The following TRANK1 variants were observed in gnomAD, a reference collection of about 807,000 sequenced individuals.
The protein encoded by TRANK1 is tetratricopeptide repeat and ankyrin repeat containing 1.
A neutral mutation model predicts 266.0 loss-of-function variants in TRANK1; 198 were observed. That is an observed-to-expected ratio of 0.74 (90% CI 0.66 to 0.84). TRANK1 has a LOEUF of 0.84. TRANK1 is among the 40% of genes least tolerant of loss of function. TRANK1 has a pLI of 0.00. For missense variants in TRANK1, 3,326 were observed against 3,634.6 expected, an observed-to-expected ratio of 0.92 and a Z score of 2.18; for synonymous variants, 1,396 against 1,384.1, an observed-to-expected ratio of 1.01 and a Z score of -0.19.
At chr3:36,935,931 T>C (rs952575212) in intron 1 of TRANK1, among the ~76,000 whole-genome samples, 20 of 152,210 alleles carry the variant, frequency 1.3e-4, no homozygotes, top group African/African-American at 4.8e-4. Context: ...TCAAACTAGA[T>C]TATTTCACTG....
At position 36,840,386 on chromosome 3, in the gene TRANK1, C is replaced by T. The variant is rs375895895; in HGVS notation, c.5281-1670G>A. Among the ~76,000 whole-genome samples, 4 of 152,192 alleles carry T rather than the reference C, an allele frequency of 2.6e-5. No homozygotes were observed. The East Asian group carries it at 7.7e-4, about 29-fold the overall frequency. On this transcript the variant is annotated intron_variant, in intron 18 of 23. Transcript: ENST00000645898. ...ATACTTAGGAAAATACTTTCCAGAC[C>T]TACCCAAACCTACAATAGCATAAAT...
intron 8 of TRANK1, chr3:36,880,273 G>GC (rs1484854646): frequency 2.9e-6 from 1 of 349,180 alleles, no homozygotes; most frequent in Non-Finnish European, 6.0e-6. Context: ...TCTTTTGCCA[G>GC]CATCAAGTTG....
At position 36,829,673 on chromosome 3, in the gene TRANK1, C is replaced by G; in HGVS notation, c.8711-11G>C. ...TCATCGCCTCCTCCGCTTCAGAAAC[C>G]AAAGAACATGGCTCTGAGTAAAGAT... On this transcript the variant is annotated splice_polypyrimidine_tract_variant and intron_variant, in intron 22 of 23. Coordinates refer to ENST00000645898, the MANE Select transcript of TRANK1 (RefSeq NM_001329998.2). The G allele has an allele frequency of 6.2e-7, 1 of 1,612,874 alleles. No homozygotes were observed. The highest frequency in any genetic ancestry group is 8.5e-7 in the Non-Finnish European group (1 of 1,179,688).
At chr3:36,861,906 T>C (rs773958534) in intron 10 of TRANK1, among the ~76,000 whole-genome samples, 23 of 151,884 alleles carry the variant, frequency 1.5e-4, no homozygotes, top group Non-Finnish European at 2.9e-4. Context: ...AGGGTTTCAC[T>C]ATGTTAGCCA....
In TRANK1 at chr3:36,837,427, C is replaced by A. The variant is rs80173398; in HGVS notation, c.5517+945G>T. ...GGTCCCACTCCTACCCCTCTCAATG[C>A]CCAGGGTGCTCTGAGGATCCCATGA... On this transcript the variant is annotated intron_variant, in intron 20 of 23. Transcript: ENST00000645898. 2.0e-3 allele frequency among the ~76,000 whole-genome samples: 301 copies of A among 152,270 alleles called. 4 individuals carry two copies. Among genetic ancestry groups the A allele is most frequent in the African/African-American group, 6.7e-3 (278 of 41,546 alleles).
chr3:36,869,112 G>C (rs2125565992), intron 9 of TRANK1, among the ~76,000 whole-genome samples: 1 of 152,348 alleles, frequency 6.6e-6, no homozygotes, highest in East Asian at 1.9e-4. Context: ...TAGGACTAAA[G>C]CCTTGCTCCT....
At chr3:36,840,725 G>T (rs149722902) in intron 18 of TRANK1, among the ~76,000 whole-genome samples, 25 of 152,290 alleles carry the variant, frequency 1.6e-4, no homozygotes, top group African/African-American at 5.5e-4. Flanking sequence ...TGTGATCCAG[G>T]AACCCCAGTC....
At chr3:36,874,011 C>T in intron 9 of TRANK1, 115 bp downstream of exon 9, 1 of 907,876 alleles carries the variant, frequency 1.1e-6, no homozygotes, top group Non-Finnish European at 1.5e-6. Flanking sequence ...GTCTCACTTC[C>T]ATATATATAT....
At chr3:36,864,271 T>C in intron 10 of TRANK1, 48 bp downstream of exon 10, 2 of 1,447,318 alleles carry the variant, frequency 1.4e-6, no homozygotes, top group Non-Finnish European at 1.8e-6. Context: ...AGAATTTTAA[T>C]GAACATAAAT....
In TRANK1 at chr3:36,846,286, C is replaced by T; in HGVS notation, c.5153G>A (p.Arg1718Lys). Residue 1718 changes from arginine (R) to lysine (K), a missense_variant, in exon 17 of 24, where the codon AGA becomes AAA. Coordinates refer to ENST00000645898, the MANE Select transcript of TRANK1 (RefSeq NM_001329998.2). ...RAPAFKYFIR[R>K]DFVQVVKTDE... ...TGTCTTTACAACTTGGACAAAATCT[C>T]TTCTAATGAAATATTTGAATGCGGG... is the stretch of plus-strand genomic sequence containing the variant. 6.2e-7 allele frequency: 1 copy of T among 1,609,160 alleles called. No homozygotes were observed. Among genetic ancestry groups the T allele is most frequent in the Admixed American group, 1.7e-5 (1 of 59,256 alleles).
At chr3:36,935,960 C>T (rs529647762) in intron 1 of TRANK1, among the ~76,000 whole-genome samples, 44 of 152,200 alleles carry the variant, frequency 2.9e-4, no homozygotes, top group Admixed American at 5.9e-4. Context: ...GGATTTCTGG[C>T]CATTTCCCAT....
Position 36,833,366 on chromosome 3 carries a change from A to G in TRANK1, c.6217T>C (p.Cys2073Arg). 6.2e-7 allele frequency: 1 copy of G among 1,613,824 alleles called. No homozygotes were observed. The highest frequency in any genetic ancestry group is 8.5e-7 in the Non-Finnish European group (1 of 1,179,784). ...VEALYEAASQ[C>R]EAEPEKILGL... The stretch of plus-strand genomic sequence containing the variant: ...AGAATCTTCTCAGGCTCGGCCTCAC[A>G]CTGGCTGGCTGCTTCGTAGAGTGCT... Residue 2073 changes from cysteine (C) to arginine (R), a missense_variant, in exon 22 of 24, where the codon TGT (cysteine) becomes CGT (arginine). By Grantham distance (180) the Cys-to-Arg change is radical. Coordinates refer to ENST00000645898, the MANE Select transcript of TRANK1 (RefSeq NM_001329998.2).
At chr3:36,854,469 A>G (rs2079024870) in intron 13 of TRANK1, among the ~76,000 whole-genome samples, 1 of 152,246 alleles carries the variant, frequency 6.6e-6, no homozygotes, top group Non-Finnish European at 1.5e-5. Flanking sequence ...GTTTTTAAAC[A>G]TGTAAAGCAA....
At chr3:36,921,394 AAATTT>A (rs763490432) in intron 1 of TRANK1, among the ~76,000 whole-genome samples, 6 of 152,218 alleles carry the variant, frequency 3.9e-5, no homozygotes, top group Admixed American at 6.5e-5. Context: ...TGAGAAAATT[AAATTT>A]ATGTTCCAGT....
chr3:36,868,794 A>AT (rs1393870718), intron 9 of TRANK1, among the ~76,000 whole-genome samples: 1 of 152,232 alleles, frequency 6.6e-6, no homozygotes, highest in Non-Finnish European at 1.5e-5. Context: ...TCAATACCCT[A>AT]TGCCTGCATA....
chr3:36,902,832 C>T (rs374057578), intron 3 of TRANK1, among the ~76,000 whole-genome samples: 1 of 152,246 alleles, frequency 6.6e-6, no homozygotes, highest in African/African-American at 2.4e-5. Flanking sequence ...CTCCATTGTG[C>T]TCCATCCACT....
At chr3:36,944,070 T>C (rs1348723269) in intron 1 of TRANK1, among the ~76,000 whole-genome samples, 1 of 151,658 alleles carries the variant, frequency 6.6e-6, no homozygotes, top group Admixed American at 6.6e-5. Flanking sequence ...AGACAGGGAG[T>C]TGGGAGGAAA....
In TRANK1 at chr3:36,831,536, C is replaced by G. The variant is rs981169980; in HGVS notation, c.8047G>C (p.Ala2683Pro). Residue 2683 changes from alanine (A) to proline (P), a missense_variant, in exon 22 of 24, where the codon GCT (alanine) becomes CCT (proline). By Grantham distance (27) the Ala-to-Pro change is conservative. Transcript: ENST00000645898. The surrounding 1 kb of genome is among the most constrained non-coding windows in gnomAD (Gnocchi z 5.0). ...LLCLDPVDYFAEPECEFGQDE... is the reference protein window; with the variant it reads ...LLCLDPVDYFPEPECEFGQDE... ...TGGCCAAACTCACACTCAGGTTCAG[C>G]AAAGTAGTCCACAGGGTCCAAACAG... 6 of 1,613,526 alleles carry G rather than the reference C, an allele frequency of 3.7e-6. No individual in the cohort carries two copies. The highest frequency in any genetic ancestry group is 1.6e-4 in the Middle Eastern group (1 of 6,062).
intron 8 of TRANK1, among the ~76,000 whole-genome samples, chr3:36,887,940 T>C (rs770720125): frequency 2.0e-5 from 3 of 152,178 alleles, no homozygotes; most frequent in African/African-American, 7.2e-5. Context: ...TGGGAAACAG[T>C]CTGGCAGTTC....
Sources: gnomAD v4.1 joint callset for allele counts (sites outside exome capture counted in the v4.1 genomes callset) on GRCh38, gnomAD v4.1.1 for gene constraint, Gnocchi (gnomAD v3.1) non-coding constraint, MANE v1.5 for transcripts, NCBI Gene and HGNC (gene_info 2026-07-23, HGNC 2026-07-21) for gene names.